Variants in TRIO observed in about 807,000 individuals in gnomAD.
TRIO encodes triple functional domain protein.
A neutral mutation model predicts 351.9 loss-of-function variants in TRIO; 58 were observed. That is an observed-to-expected ratio of 0.16 (90% confidence interval 0.13 to 0.21). TRIO has a LOEUF of 0.21. Among genes scored for constraint, TRIO ranks in the 10% least tolerant of loss-of-function variants. The pLI, the probability that TRIO is intolerant of heterozygous loss-of-function variation, is 1.00. For missense variants in TRIO, 3,201 were observed against 4,027.8 expected, an observed-to-expected ratio of 0.79 and a Z score of 5.56; for synonymous variants, 1,758 against 1,595.7, an observed-to-expected ratio of 1.10 and a Z score of -2.42.
chr5:14,476,857 C>G, intron 40 of TRIO, 37 bp from the exon 41 acceptor site: 1 of 1,554,916 alleles, frequency 6.4e-7, no homozygotes, highest in Non-Finnish European at 8.8e-7. Context: ...GAAGGCCACA[C>G]TGGAAATAGT....
rs527951603 is a variant in TRIO at position 14,473,412 on chromosome 5, A to G, written c.5980-582A>G. On this transcript the variant is annotated intron_variant, in intron 39 of 56. Transcript: ENST00000344204. The stretch of plus-strand genomic sequence containing the variant: ...TAAAGTCAATTGCATAACACAAAAG[A>G]TTTAACATGCTTGATTTATCTGCAG... Among the ~76,000 whole-genome samples the G allele has an allele frequency of 5.3e-5, 8 of 152,356 alleles. No individual in the cohort carries two copies. The South Asian group carries it at 1.2e-3, about 24-fold the overall frequency.
At chr5:14,416,460 C>T (rs1749653283) in intron 33 of TRIO, among the ~76,000 whole-genome samples, 1 of 152,082 alleles carries the variant, frequency 6.6e-6, no homozygotes, top group Non-Finnish European at 1.5e-5. Flanking sequence ...TGGGTAAAGC[C>T]AGTTGATTTG....
At chr5:14,338,500 C>T (rs542923595) in intron 11 of TRIO, among the ~76,000 whole-genome samples, 1 of 152,308 alleles carries the variant, frequency 6.6e-6, no homozygotes, top group African/African-American at 2.4e-5. Flanking sequence ...AGTTGTCATG[C>T]GTGTGATTGT....
In TRIO at chr5:14,262,129, A is replaced by G. The variant is rs546911338; in HGVS notation, c.158-8696A>G. Among the ~76,000 whole-genome samples the G allele has an allele frequency of 2.6e-5, 4 of 152,370 alleles. No homozygotes were observed. In the South Asian group the frequency reaches 8.3e-4, roughly 32 times the overall value. ...TGGCAGTCTGCTCAGTGAGACTGCC[A>G]TGCAGTGGGACTCAGCATAGCCCCT... On this transcript the variant is annotated intron_variant, in intron 1 of 56. Transcript: ENST00000344204.
chr5:14,306,198 T>G (rs1241281081), intron 8 of TRIO, among the ~76,000 whole-genome samples: 2 of 152,268 alleles, frequency 1.3e-5, no homozygotes, highest in African/African-American at 4.8e-5. Flanking sequence ...TAGCCACCTT[T>G]GCCTAATAAG....
At chr5:14,464,442 G>A (rs1398199141) in intron 36 of TRIO, among the ~76,000 whole-genome samples, 1 of 152,278 alleles carries the variant, frequency 6.6e-6, no homozygotes, top group Non-Finnish European at 1.5e-5. Flanking sequence ...TTCCCACACA[G>A]TATATAATCT....
chr5:14,444,375 A>G (rs544869369), intron 34 of TRIO, among the ~76,000 whole-genome samples: 1 of 152,354 alleles, frequency 6.6e-6, no homozygotes, highest in East Asian at 1.9e-4. Flanking sequence ...TGATTGTGTC[A>G]CACAAGTTGC....
At position 14,143,654 on chromosome 5, in the gene TRIO, G is replaced by C; in HGVS notation, c.-72G>C. On this transcript the variant is annotated 5_prime_UTR_variant, in exon 1 of 57. Coordinates refer to ENST00000344204, the MANE Select transcript of TRIO (RefSeq NM_007118.4). ...GGTGCTCGGCGCCGCCAGGCCCGGC[G>C]CGGAGCGGGCGGCACGCGGCGCTAG... is the stretch of plus-strand genomic sequence containing the variant. The C allele has an allele frequency of 1.3e-6, 1 of 759,622 alleles. No individual in the cohort carries two copies. Among genetic ancestry groups the C allele is most frequent in the Non-Finnish European group, 1.6e-6 (1 of 627,530 alleles). The allele number at this position is 759,622 out of a possible 1,614,324, so 47.1% of individuals were successfully genotyped here. A position where few individuals can be genotyped will look rare whatever the true frequency, so the allele number is the denominator to read the frequency against.
At chr5:14,363,562 T>A (rs1381932834) in intron 13 of TRIO, among the ~76,000 whole-genome samples, 170 bp from the exon 14 acceptor site, 1 of 152,240 alleles carries the variant, frequency 6.6e-6, no homozygotes, top group African/African-American at 2.4e-5. Flanking sequence ...TTAATTTGTT[T>A]AAACAGCTTT....
intron 10 of TRIO, 91 bp downstream of exon 10, chr5:14,330,991 A>T: frequency 6.4e-7 from 1 of 1,563,736 alleles, no homozygotes; most frequent in East Asian, 2.3e-5. Flanking sequence ...ATAAGTTAGC[A>T]TTAGCTCGAT....
At chr5:14,324,486 A>G (rs978655904) in intron 9 of TRIO, among the ~76,000 whole-genome samples, 1 of 152,218 alleles carries the variant, frequency 6.6e-6, no homozygotes, top group African/African-American at 2.4e-5. Flanking sequence ...CTGTAAAAAC[A>G]AACTAGCTTA....
chr5:14,387,280 G>A, intron 21 of TRIO, 158 bp from the exon 22 acceptor site: 3 of 611,730 alleles, frequency 4.9e-6, no homozygotes, highest in South Asian at 2.6e-5. Context: ...AGGAATCCGG[G>A]AGATGGAGTG....
At chr5:14,155,025 C>T (rs978637234) in intron 1 of TRIO, among the ~76,000 whole-genome samples, 7 of 152,216 alleles carry the variant, frequency 4.6e-5, no homozygotes, top group Middle Eastern at 3.4e-3. Context: ...AGCTCAGGTC[C>T]GAATTAACTT....
At chr5:14,504,151 A>C (rs1757490217) in intron 54 of TRIO, among the ~76,000 whole-genome samples, 1 of 152,214 alleles carries the variant, frequency 6.6e-6, no homozygotes, top group African/African-American at 2.4e-5. Context: ...GAAAGCAGCC[A>C]CCGACGTGAG....
At chr5:14,440,477 G>A (rs979897751) in intron 34 of TRIO, among the ~76,000 whole-genome samples, 2 of 152,228 alleles carry the variant, frequency 1.3e-5, no homozygotes, top group Non-Finnish European at 2.9e-5. Context: ...GAGAGAGTAA[G>A]AATGTTTCTC....
intron 29 of TRIO, among the ~76,000 whole-genome samples, chr5:14,397,757 T>C (rs948513871): frequency 3.3e-5 from 5 of 152,188 alleles, no homozygotes; most frequent in Non-Finnish European, 7.3e-5. Flanking sequence ...TGTGTCTTTA[T>C]GGGTAACACT....
rs780608673 is a variant in TRIO at position 14,400,964 on chromosome 5, C to T, written c.4616C>T (p.Thr1539Ile). The T allele has an allele frequency of 6.2e-7, 1 of 1,613,780 alleles. No homozygotes were observed. The change falls in exon 31 of 57, where the codon ACC becomes ATC. Residue 1539 changes from threonine (T) to isoleucine (I), a missense_variant and splice_region_variant. Around this residue, in one of 19 missense-constraint regions of TRIO, gnomAD observed 136 missense variants for 229.5 expected, o/e 0.59. Transcript: ENST00000344204. ...TTATATAATTGTCTTTTTATCCAGACCTCAGAGTTGGGTGTCACAGAACAT... is the reference window on the plus strand; with the variant it reads ...TTATATAATTGTCTTTTTATCCAGATCTCAGAGTTGGGTGTCACAGAACAT... ...SKYLYKSKLF[T>I]SELGVTEHVE...
intron 1 of TRIO, among the ~76,000 whole-genome samples, chr5:14,206,498 C>G (rs1159008421): frequency 6.6e-6 from 1 of 152,252 alleles, no homozygotes; most frequent in Non-Finnish European, 1.5e-5. Context: ...CCGGATGTTT[C>G]TTATCCTCGA....
chr5:14,487,837 G>C lies in TRIO; in HGVS notation c.7209G>C (p.Glu2403Asp). The C allele has an allele frequency of 6.6e-7, 1 of 1,518,044 alleles. No homozygotes were observed. Among genetic ancestry groups the C allele is most frequent in the Non-Finnish European group, 8.8e-7 (1 of 1,132,322 alleles). 94.0% of individuals were successfully genotyped at this position (1,518,044 alleles called of 1,614,324 possible). A position where few individuals can be genotyped will look rare whatever the true frequency, so the allele number is the denominator to read the frequency against. ...CCGGCGCGGACGCCGAGGGGTCCGA[G>C]CGAGAAGCGGAGCCGATCCCCAAGA... is the stretch of plus-strand genomic sequence containing the variant. Reference protein sequence around the residue: ...RPPGADAEGSEREAEPIPKMK... With the variant: ...RPPGADAEGSDREAEPIPKMK... Residue 2403 changes from glutamate to aspartate, a missense_variant, in exon 48 of 57, where the codon GAG (glutamate) becomes GAC (aspartate). By Grantham distance (45) the Glu-to-Asp change is conservative. Transcript: ENST00000344204.
Sources: gnomAD v4.1 joint callset for allele counts (sites outside exome capture counted in the v4.1 genomes callset) on GRCh38, gnomAD v4.1.1 for gene constraint, gnomAD v4.1.1 regional missense constraint, MANE v1.5 for transcripts, NCBI Gene and HGNC (gene_info 2026-07-23, HGNC 2026-07-21) for gene names.